The following HPSE2 variants were observed in gnomAD, a reference collection of about 807,000 sequenced individuals.
HPSE2 encodes the protein inactive heparanase-2.
HPSE2 carries 38 observed loss-of-function variants against 60.5 expected under a neutral mutation model. The ratio of observed to expected loss-of-function variants is 0.63; its 90% confidence interval spans 0.48 to 0.82. HPSE2 has a LOEUF of 0.82. Ranked by LOEUF, HPSE2 falls within the 40% of genes least tolerant of loss-of-function variation. The pLI is 0.00. For synonymous variants in HPSE2, 295 were observed against 293.2 expected, an observed-to-expected ratio of 1.01 and a Z score of -0.06; for missense variants, 713 against 740.4, an observed-to-expected ratio of 0.96 and a Z score of 0.43.
At chr10:98,489,054 T>A (rs1941547431) in intron 10 of HPSE2, among the ~76,000 whole-genome samples, 1 of 152,228 alleles carries the variant, frequency 6.6e-6, no homozygotes, top group South Asian at 2.1e-4. Flanking sequence ...GTACTCCCCT[T>A]GATCAGTTCC....
At chr10:98,778,309 A>G (rs989070356) in intron 3 of HPSE2, among the ~76,000 whole-genome samples, 1 of 151,482 alleles carries the variant, frequency 6.6e-6, no homozygotes. Flanking sequence ...AGCAAGAAAG[A>G]CCTGTTAGCC....
At chr10:98,738,778 T>G (rs1294234094) in intron 4 of HPSE2, among the ~76,000 whole-genome samples, 1 of 152,236 alleles carries the variant, frequency 6.6e-6, no homozygotes, top group Non-Finnish European at 1.5e-5. Context: ...CAAGATACTA[T>G]TTCATGCCAG....
chr10:98,545,509 T>C (rs1943638278), intron 9 of HPSE2, among the ~76,000 whole-genome samples: 1 of 152,010 alleles, frequency 6.6e-6, no homozygotes, highest in Admixed American at 6.5e-5. Flanking sequence ...CACAAGCAAA[T>C]CAATAAAGGT....
chr10:98,865,739 C>T (rs2134801049), intron 3 of HPSE2, among the ~76,000 whole-genome samples: 1 of 152,158 alleles, frequency 6.6e-6, no homozygotes, highest in East Asian at 1.9e-4. Context: ...ATGTGTTCTA[C>T]AAGACTGAAA....
At chr10:99,159,124 T>C (rs1846715303) in intron 2 of HPSE2, among the ~76,000 whole-genome samples, 1 of 151,374 alleles carries the variant, frequency 6.6e-6, no homozygotes, top group Non-Finnish European at 1.5e-5. Context: ...ATAAGAAAAT[T>C]TTAAACACGA....
intron 3 of HPSE2, among the ~76,000 whole-genome samples, chr10:98,908,715 T>C (rs1486075806): frequency 6.9e-6 from 1 of 144,552 alleles, no homozygotes; most frequent in African/African-American, 2.5e-5. Context: ...AAAAAGATGG[T>C]ATATGGAAAG....
At chr10:99,064,110 A>C (rs1589598625) in intron 3 of HPSE2, among the ~76,000 whole-genome samples, 1 of 152,128 alleles carries the variant, frequency 6.6e-6, no homozygotes, top group Non-Finnish European at 1.5e-5. Flanking sequence ...AAAACAAAAA[A>C]TAGAAAAAGG....
chr10:98,756,859 C>T (rs1321553310), intron 3 of HPSE2, among the ~76,000 whole-genome samples: 1 of 151,904 alleles, frequency 6.6e-6, no homozygotes, highest in African/African-American at 2.4e-5. Context: ...CAAAACCTGG[C>T]AGAGGAAGGA....
Position 98,491,712 on chromosome 10 carries a change from T to C in HPSE2, c.1321-1516A>G, listed in dbSNP as rs191717511. On this transcript the variant is annotated intron_variant, in intron 9 of 11. Coordinates refer to ENST00000370552, the MANE Select transcript of HPSE2 (RefSeq NM_021828.5). Reference sequence around the variant, plus strand: ...ACAGATATGAGAATGTTTCAAGGGGTATCTCAGGTCACAAAACTAGTGAAT... The same window carrying C: ...ACAGATATGAGAATGTTTCAAGGGGCATCTCAGGTCACAAAACTAGTGAAT... Among the ~76,000 whole-genome samples, 9 of 152,286 alleles carry C rather than the reference T, an allele frequency of 5.9e-5. No individual in the cohort carries two copies. The East Asian group carries it at 1.7e-3, about 29-fold the overall frequency.
At chr10:99,246,470 T>C in the HPSE2 span, among the ~76,000 whole-genome samples, 17 of 152,198 alleles carry the variant, frequency 1.1e-4, no homozygotes, top group Admixed American at 7.2e-4. Context: ...TTTGTGGCCG[T>C]GCGTGATGGC....
intron 2 of HPSE2, among the ~76,000 whole-genome samples, chr10:99,163,693 T>TGG (rs1369929817): frequency 2.0e-5 from 3 of 152,076 alleles, no homozygotes; most frequent in Non-Finnish European, 4.4e-5. Flanking sequence ...AAAACCAGAA[T>TGG]CCCATATTGC....
chr10:98,888,488 G>A (rs542636838), intron 3 of HPSE2, among the ~76,000 whole-genome samples: 1 of 152,238 alleles, frequency 6.6e-6, no homozygotes, highest in East Asian at 1.9e-4. Flanking sequence ...AAACCATAAT[G>A]GAATCAGATA....
At chr10:98,524,226 C>A (rs73337816) in intron 9 of HPSE2, among the ~76,000 whole-genome samples, 1 of 152,178 alleles carries the variant, frequency 6.6e-6, no homozygotes, top group African/African-American at 2.4e-5. Flanking sequence ...ATGGGACACG[C>A]GCATGAGTTG....
At chr10:98,853,891 A>G (rs547074999) in intron 3 of HPSE2, among the ~76,000 whole-genome samples, 12 of 152,298 alleles carry the variant, frequency 7.9e-5, no homozygotes, top group Admixed American at 7.8e-4. Flanking sequence ...ATTGTTTTGT[A>G]AACTGTAAAG....
At chr10:99,308,500 CA>C in the HPSE2 span, among the ~76,000 whole-genome samples, 1 of 151,060 alleles carries the variant, frequency 6.6e-6, no homozygotes, top group Admixed American at 6.6e-5. Flanking sequence ...ATGCATGTTA[CA>C]ACATGAAAGA....
chr10:98,562,530 C>T (rs1944217236), intron 9 of HPSE2, among the ~76,000 whole-genome samples: 1 of 151,940 alleles, frequency 6.6e-6, no homozygotes, highest in African/African-American at 2.4e-5. Context: ...TCCTGGCTAA[C>T]AAGGTGAAAC....
At chr10:98,513,975 AC>A (rs1382385362) in intron 9 of HPSE2, among the ~76,000 whole-genome samples, 1 of 152,206 alleles carries the variant, frequency 6.6e-6, no homozygotes, top group Non-Finnish European at 1.5e-5. Context: ...AGCATTATTC[AC>A]AATAGTCAAA....
intron 3 of HPSE2, among the ~76,000 whole-genome samples, chr10:98,986,827 C>T (rs1956369216): frequency 6.6e-6 from 1 of 151,992 alleles, no homozygotes. Context: ...ACCGATCCCA[C>T]AGAAATACAA....
intron 3 of HPSE2, among the ~76,000 whole-genome samples, chr10:98,960,783 T>C (rs1414836483): frequency 2.1e-5 from 3 of 143,658 alleles, no homozygotes; most frequent in South Asian, 4.6e-4. Context: ...TACATGTGCA[T>C]ATTGTGCAGG....
Sources: gnomAD v4.1 joint callset for allele counts (sites outside exome capture counted in the v4.1 genomes callset) on GRCh38, gnomAD v4.1.1 for gene constraint, MANE v1.5 for transcripts, NCBI Gene and HGNC (gene_info 2026-07-23, HGNC 2026-07-21) for gene names.